Variants in SGCZ observed in about 807,000 individuals in gnomAD.
The protein encoded by SGCZ is zeta-sarcoglycan.
A neutral mutation model predicts 41.3 loss-of-function variants in SGCZ; 40 were observed. That is an observed-to-expected ratio of 0.97 (90% CI 0.75 to 1.26). The LOEUF is 1.26. Among genes scored for constraint, SGCZ ranks in the 50% most tolerant of loss-of-function variants. The probability of loss-of-function intolerance (pLI) is 0.00; values close to 1 mark genes in which losing one functional copy is unlikely to be tolerated. For missense variants in SGCZ, 552 were observed against 369.8 expected (o/e 1.49, Z -4.04); for synonymous variants, 206 against 137.5 (o/e 1.50, Z -3.49).
intron 1 of SGCZ, among the ~76,000 whole-genome samples, chr8:14,569,544 G>C (rs1043942353): frequency 7.9e-5 from 12 of 152,132 alleles, no homozygotes; most frequent in African/African-American, 2.9e-4. Context: ...TAGAAGCTAT[G>C]GATAGAATAG....
intron 1 of SGCZ, among the ~76,000 whole-genome samples, chr8:14,871,484 C>A (rs1804149203): frequency 1.3e-5 from 2 of 151,946 alleles, no homozygotes; most frequent in South Asian, 4.2e-4. Flanking sequence ...TGGAACTAAC[C>A]CAAATGACCA....
Position 14,805,606 on chromosome 8 carries a change from C to A in SGCZ, c.40-250680G>T, listed in dbSNP as rs961211935. Reference sequence around the variant, plus strand: ...ACGTCCTGAGTGACCTACAAAGAGACTTAGACTCCCACACATTAATAATGG... The same window carrying A: ...ACGTCCTGAGTGACCTACAAAGAGAATTAGACTCCCACACATTAATAATGG... On this transcript the variant is annotated intron_variant, in intron 1 of 7. Coordinates refer to ENST00000382080, the MANE Select transcript of SGCZ (RefSeq NM_139167.4). 2.9e-5 allele frequency among the ~76,000 whole-genome samples: 4 copies of A among 139,770 alleles called. No homozygotes were observed. The East Asian group carries it at 9.3e-4, about 33-fold the overall frequency. 91.7% of individuals were successfully genotyped at this position (139,770 alleles called of 152,430 possible). A position where few individuals can be genotyped will look rare whatever the true frequency, so the allele number is the denominator to read the frequency against.
chr8:14,219,690 T>C (rs1585244477), intron 4 of SGCZ, among the ~76,000 whole-genome samples: 1 of 151,722 alleles, frequency 6.6e-6, no homozygotes, highest in African/African-American at 2.4e-5. Context: ...GAGGTTGCAG[T>C]GAGCCGAGAT....
intron 1 of SGCZ, among the ~76,000 whole-genome samples, chr8:14,761,510 T>A (rs979358008): frequency 3.5e-4 from 53 of 149,816 alleles, no homozygotes; most frequent in African/African-American, 1.3e-3. Context: ...TCTATTATTA[T>A]TATTATTATT....
chr8:14,146,871 C>CAAAAAAAAAAAAAAAAAAAAAAAAAAAA (rs66592259), intron 5 of SGCZ, among the ~76,000 whole-genome samples: 1 of 74,848 alleles, frequency 1.3e-5, no homozygotes, highest in African/African-American at 5.4e-5. Context: ...GACTCCGTCT[C>CAAAAAAAAAAAAAAAAAAAAAAAAAAAA]AAAAAATAAA....
At chr8:15,152,852 T>G (rs139040156) in intron 1 of SGCZ, among the ~76,000 whole-genome samples, 2 of 152,212 alleles carry the variant, frequency 1.3e-5, no homozygotes, top group Admixed American at 6.5e-5. Flanking sequence ...AATAATCTCC[T>G]GACTGCTATA....
chr8:14,608,453 G>T (rs1340099774), intron 1 of SGCZ, among the ~76,000 whole-genome samples: 4 of 128,774 alleles, frequency 3.1e-5, no homozygotes, highest in African/African-American at 1.0e-4. Flanking sequence ...CGGGGAGGCG[G>T]GGGGCAGATG....
At chr8:14,702,629 G>C (rs529754082) in intron 1 of SGCZ, among the ~76,000 whole-genome samples, 1 of 151,906 alleles carries the variant, frequency 6.6e-6, no homozygotes, top group South Asian at 2.1e-4. Flanking sequence ...CTTAATAAAG[G>C]ACACCGCTAT....
At chr8:14,416,451 G>C (rs1310697918) in intron 2 of SGCZ, among the ~76,000 whole-genome samples, 4 of 151,848 alleles carry the variant, frequency 2.6e-5, no homozygotes, top group African/African-American at 7.2e-5. Context: ...AAATTATTTA[G>C]AGCCTACAAC....
intron 1 of SGCZ, among the ~76,000 whole-genome samples, chr8:15,018,994 C>A (rs756704473): frequency 6.6e-6 from 1 of 152,106 alleles, no homozygotes; most frequent in East Asian, 1.9e-4. Context: ...GAGAGGAGAT[C>A]AAAGCAGGAA....
chr8:14,719,056 G>C (rs1176719476), intron 1 of SGCZ, among the ~76,000 whole-genome samples: 2 of 130,258 alleles, frequency 1.5e-5, no homozygotes, highest in African/African-American at 5.9e-5. Flanking sequence ...TTCTGTGTCC[G>C]TGTGTTCTCA....
intron 5 of SGCZ, among the ~76,000 whole-genome samples, chr8:14,111,297 G>A (rs1057206836): frequency 1.3e-5 from 2 of 152,058 alleles, no homozygotes; most frequent in Non-Finnish European, 1.5e-5. Context: ...TTCAAAATTA[G>A]TAAGACATCA....
At chr8:14,161,423 T>C (rs1258973164) in intron 5 of SGCZ, 1 of 152,214 alleles carries the variant, frequency 6.6e-6, no homozygotes, top group African/African-American at 2.4e-5. Flanking sequence ...CTAGGGTGTG[T>C]AAGTGGTAAA....
chr8:15,151,665 A>G (rs545060210), intron 1 of SGCZ, among the ~76,000 whole-genome samples: 1 of 152,348 alleles, frequency 6.6e-6, no homozygotes, highest in South Asian at 2.1e-4. Flanking sequence ...ATGTATACAC[A>G]TACATAAAGA....
intron 1 of SGCZ, among the ~76,000 whole-genome samples, chr8:15,037,529 A>C (rs1337469023): frequency 6.6e-6 from 1 of 152,186 alleles, no homozygotes; most frequent in East Asian, 1.9e-4. Context: ...ACTCAACAGG[A>C]AAATGTTGAA....
chr8:15,147,018 A>G (rs897402222), intron 1 of SGCZ, among the ~76,000 whole-genome samples: 2 of 152,206 alleles, frequency 1.3e-5, no homozygotes, highest in Admixed American at 6.5e-5. Flanking sequence ...CTGGAAGGCA[A>G]TTTTCAATAA....
intron 1 of SGCZ, among the ~76,000 whole-genome samples, chr8:14,764,321 C>A (rs571655372): frequency 6.6e-6 from 1 of 152,282 alleles, no homozygotes; most frequent in South Asian, 2.1e-4. Flanking sequence ...GATACACGAT[C>A]TTAAAGCATT....
chr8:14,470,798 G>A (rs1417502550), intron 2 of SGCZ, among the ~76,000 whole-genome samples: 2 of 152,120 alleles, frequency 1.3e-5, no homozygotes, highest in South Asian at 2.1e-4. Flanking sequence ...ATTCGAACTC[G>A]AGTTCCTAGA....
At chr8:14,392,067 G>A (rs955628339) in intron 2 of SGCZ, among the ~76,000 whole-genome samples, 2 of 152,082 alleles carry the variant, frequency 1.3e-5, no homozygotes, top group African/African-American at 4.8e-5. Flanking sequence ...ATAGCAAGGG[G>A]AGATGGAGAA....
Sources: gnomAD v4.1 joint callset for allele counts (sites outside exome capture counted in the v4.1 genomes callset) on GRCh38, gnomAD v4.1.1 for gene constraint, MANE v1.5 for transcripts, NCBI Gene and HGNC (gene_info 2026-07-23, HGNC 2026-07-21) for gene names.